The following TBL1X variants were observed in gnomAD, a reference collection of about 807,000 sequenced individuals.
TBL1X encodes transducin beta like 1 X-linked.
In TBL1X, 10 loss-of-function variants were observed where a neutral mutation model predicts 50.7. That is an observed-to-expected ratio of 0.20 (90% CI 0.12 to 0.33). The LOEUF is 0.33. Among genes scored for constraint, TBL1X ranks in the 10% least tolerant of loss-of-function variants. TBL1X has a pLI of 1.00. For missense variants in TBL1X, 340 were observed against 504.4 expected, an observed-to-expected ratio of 0.67 and a Z score of 3.12; for synonymous variants, 190 against 214.7, an observed-to-expected ratio of 0.88 and a Z score of 1.01.
intron 2 of TBL1X, among the ~76,000 whole-genome samples, chrX:9,555,273 T>C (rs1191161417): frequency 9.0e-6 from 1 of 110,757 alleles, no homozygotes; most frequent in Non-Finnish European, 1.9e-5. Context: ...GAGAGTGTCT[T>C]GTTATGTTGC....
At chrX:9,601,180 C>G (rs2082554638) in intron 2 of TBL1X, among the ~76,000 whole-genome samples, 1 of 111,649 alleles carries the variant, frequency 9.0e-6, no homozygotes, top group Non-Finnish European at 1.9e-5. Flanking sequence ...CAGGCCAACA[C>G]TGCCCCCTTT....
At chrX:9,578,007 C>T (rs2147017686) in intron 2 of TBL1X, among the ~76,000 whole-genome samples, 1 of 112,227 alleles carries the variant, frequency 8.9e-6, no homozygotes, top group Non-Finnish European at 1.9e-5. Flanking sequence ...GCAGTTTTCT[C>T]TGAAATTGAA....
chrX:9,688,505 C>T (rs897176199), intron 7 of TBL1X, among the ~76,000 whole-genome samples: 2 of 112,370 alleles, frequency 1.8e-5, no homozygotes, highest in South Asian at 3.7e-4. Context: ...AATCGTGCTG[C>T]GCCTGCTAAT....
chrX:9,577,636 A>G lies in TBL1X; in HGVS notation c.-130-62637A>G, dbSNP rs61048158. 4.4e-3 allele frequency among the ~76,000 whole-genome samples: 489 copies of G among 112,059 alleles called. 3 individuals are homozygous for G. Among genetic ancestry groups the G allele is most frequent in the African/African-American group, 0.015 (459 of 30,807 alleles). ...CAGTGCACAGGACGGCCTCATAACA[A>G]GGAATCATCTAGCCCCATATGCGCC... On this transcript the variant is annotated intron_variant, in intron 2 of 17. Transcript: ENST00000645353.
chrX:9,635,169 C>T (rs1383026108), intron 2 of TBL1X, among the ~76,000 whole-genome samples: 2 of 110,553 alleles, frequency 1.8e-5, no homozygotes, highest in African/African-American at 3.3e-5. Context: ...CACGAGCACC[C>T]GAAGGAATTT....
chrX:9,599,185 C>G, intron 2 of TBL1X, among the ~76,000 whole-genome samples: 1 of 110,578 alleles, frequency 9.0e-6, no homozygotes, highest in Non-Finnish European at 1.9e-5. Context: ...CTCAGGTGAT[C>G]CGCCCACCTC....
In TBL1X at chrX:9,693,894, C is replaced by T. The variant is rs151172260; in HGVS notation, c.1053+475C>T. On this transcript the variant is annotated intron_variant, in intron 11 of 17. Transcript: ENST00000645353. ...CAAGCAACCTGGCTACAAGGGCACG[C>T]TCTTCCGATGGCCCACAGAGCCAGG... 6.3e-3 allele frequency among the ~76,000 whole-genome samples: 702 copies of T among 111,579 alleles called. 6 individuals carry two copies. The highest frequency in any genetic ancestry group is 0.022 in the African/African-American group (666 of 30,644).
intron 1 of TBL1X, among the ~76,000 whole-genome samples, chrX:9,468,779 G>A (rs1409625458): frequency 9.0e-6 from 1 of 110,554 alleles, no homozygotes; most frequent in Non-Finnish European, 1.9e-5. Flanking sequence ...CGGGTAGAGG[G>A]AGAGAGAGAT....
intron 13 of TBL1X, among the ~76,000 whole-genome samples, chrX:9,706,803 G>A (rs936984084): frequency 2.7e-5 from 3 of 111,077 alleles, no homozygotes; most frequent in Non-Finnish European, 3.8e-5. Flanking sequence ...CTAAAGACAC[G>A]TGCAGCCAAG....
At chrX:9,576,921 G>A (rs1180906215) in intron 2 of TBL1X, among the ~76,000 whole-genome samples, 1 of 110,416 alleles carries the variant, frequency 9.1e-6, no homozygotes, top group Non-Finnish European at 1.9e-5. Flanking sequence ...GGTTGCTTGA[G>A]CCTGGGAGTT....
intron 2 of TBL1X, among the ~76,000 whole-genome samples, chrX:9,626,451 C>T (rs1283982319): frequency 8.9e-6 from 1 of 112,304 alleles, no homozygotes; most frequent in East Asian, 2.8e-4. Flanking sequence ...CACTGGCTGA[C>T]ACTCCATGCA....
At chrX:9,583,609 A>T (rs1242251687) in intron 2 of TBL1X, among the ~76,000 whole-genome samples, 1 of 112,363 alleles carries the variant, frequency 8.9e-6, no homozygotes, top group African/African-American at 3.2e-5. Context: ...CAGAATGCTT[A>T]TAGGAGCCAG....
At chrX:9,618,548 G>A (rs765549059) in intron 2 of TBL1X, among the ~76,000 whole-genome samples, 42 of 111,453 alleles carry the variant, frequency 3.8e-4, no homozygotes, top group African/African-American at 1.3e-3. Context: ...GCATGGTGGC[G>A]CGCCCCTGTA....
chrX:9,552,787 T>G (rs187424840), intron 2 of TBL1X, among the ~76,000 whole-genome samples: 20 of 111,938 alleles, frequency 1.8e-4, no homozygotes, highest in African/African-American at 6.5e-4. Context: ...ATCTCCATCC[T>G]AATCCTGGAA....
At chrX:9,470,929 C>T (rs1038065670) in intron 1 of TBL1X, among the ~76,000 whole-genome samples, 2 of 112,182 alleles carry the variant, frequency 1.8e-5, no homozygotes, top group African/African-American at 6.5e-5. Context: ...CAACCATGCC[C>T]GACCTCTGAT....
At chrX:9,526,335 A>G (rs892420790) in intron 2 of TBL1X, among the ~76,000 whole-genome samples, 1 of 111,804 alleles carries the variant, frequency 8.9e-6, no homozygotes, top group African/African-American at 3.3e-5. Flanking sequence ...TGAGCAGAAT[A>G]GATTGCGCAT....
rs1352548530 is a variant in TBL1X, at chrX:9,719,060, A to G, written c.*2814A>G. 1 of 112,397 alleles carries G rather than the reference A, an allele frequency of 8.9e-6. No homozygotes were observed. 9.3% of individuals were successfully genotyped at this position (112,397 alleles called of 1,213,427 possible). On this transcript the variant is annotated 3_prime_UTR_variant, in exon 18 of 18. Transcript: ENST00000645353. Reference sequence around the variant, plus strand: ...ATGGCCTGTGGAATGTTATTGTTCAACGTTGTTTACAGCTCTTAAAACATG... The same window carrying G: ...ATGGCCTGTGGAATGTTATTGTTCAGCGTTGTTTACAGCTCTTAAAACATG...
chrX:9,665,550 G>A (rs1345865871), intron 5 of TBL1X, among the ~76,000 whole-genome samples: 1 of 51,961 alleles, frequency 1.9e-5, no homozygotes, highest in African/African-American at 7.2e-5. Context: ...AAAGGCCTTG[G>A]TGCTTTTTCG....
At chrX:9,590,988 T>G (rs1208223606) in intron 2 of TBL1X, among the ~76,000 whole-genome samples, 11 of 53,669 alleles carry the variant, frequency 2.0e-4, no homozygotes, top group Admixed American at 4.6e-4. Context: ...TGTGTATGTG[T>G]GGGGGGGATA....
Sources: gnomAD v4.1 joint callset for allele counts (sites outside exome capture counted in the v4.1 genomes callset) on GRCh38, gnomAD v4.1.1 for gene constraint, MANE v1.5 for transcripts, NCBI Gene and HGNC (gene_info 2026-07-23, HGNC 2026-07-21) for gene names.